Variants in PDE4B observed in about 807,000 individuals in gnomAD.
PDE4B encodes the protein 3',5'-cyclic-AMP phosphodiesterase 4B.
In PDE4B, 20 loss-of-function variants were observed where a neutral mutation model predicts 82.2. The observed-to-expected ratio is 0.24, with a 90% CI of 0.17 to 0.35. The LOEUF (loss-of-function observed/expected upper bound fraction) is 0.35, where lower values mean the gene tolerates loss of function less well. Ranked by LOEUF, PDE4B falls within the 10% of genes least tolerant of loss-of-function variation. The probability of loss-of-function intolerance (pLI) is 1.00; values close to 1 mark genes in which losing one functional copy is unlikely to be tolerated. For missense variants in PDE4B, 655 were observed against 907.2 expected (o/e 0.72, Z 3.57); for synonymous variants, 320 against 318.9 (o/e 1.00, Z -0.04).
chr1:66,304,232 ATTAC>A (rs1364276337), intron 7 of PDE4B, among the ~76,000 whole-genome samples: 7 of 152,138 alleles, frequency 4.6e-5, no homozygotes, highest in Non-Finnish European at 1.0e-4. Flanking sequence ...AGAGATAAAC[ATTAC>A]AGGCATTGTG....
At chr1:66,288,342 T>C (rs944645930) in intron 7 of PDE4B, among the ~76,000 whole-genome samples, 1 of 152,108 alleles carries the variant, frequency 6.6e-6, no homozygotes, top group East Asian at 1.9e-4. Flanking sequence ...TCAGTCACTT[T>C]CAACCAGGCC....
chr1:65,860,202 G>A lies in PDE4B; in HGVS notation c.-70-53043G>A, dbSNP rs1031669950. Among the ~76,000 whole-genome samples the A allele has an allele frequency of 3.9e-5, 6 of 152,024 alleles. No individual in the cohort carries two copies. The South Asian group carries it at 6.2e-4, about 16-fold the overall frequency. On this transcript the variant is annotated intron_variant, in intron 1 of 16. Coordinates refer to ENST00000341517, the MANE Select transcript of PDE4B (RefSeq NM_002600.4). Reference sequence around the variant, plus strand: ...TCATAATACTCTCCCTCCCCTCACCGCTCACCCTCTGACAGCTCTGGTGTG... The same window carrying A: ...TCATAATACTCTCCCTCCCCTCACCACTCACCCTCTGACAGCTCTGGTGTG...
intron 3 of PDE4B, among the ~76,000 whole-genome samples, chr1:65,930,226 T>C (rs1647755317): frequency 6.6e-6 from 1 of 152,236 alleles, no homozygotes; most frequent in Non-Finnish European, 1.5e-5. Context: ...TTCATTAGAT[T>C]GTGCCCACCA....
At chr1:66,156,259 C>T (rs1442891215) in intron 3 of PDE4B, among the ~76,000 whole-genome samples, 1 of 152,014 alleles carries the variant, frequency 6.6e-6, no homozygotes, top group African/African-American at 2.4e-5. Flanking sequence ...AATCCTTTTT[C>T]GGTCTCAATA....
chr1:66,367,839 G>A lies in PDE4B; in HGVS notation c.1528G>A (p.Val510Ile), dbSNP rs1663359573. The A allele has an allele frequency of 2.5e-6, 4 of 1,613,556 alleles. No homozygotes were observed. Among genetic ancestry groups the A allele is most frequent in the Non-Finnish European group, 3.4e-6 (4 of 1,179,702 alleles). ...KKQRQTLRKM[V>I]IDMVLATDMS... The stretch of plus-strand genomic sequence containing the variant: ...GCAGCGTCAGACACTCAGGAAGATG[G>A]TTATTGACATGGTAAGACTTTAGCC... Residue 510 changes from valine (V) to isoleucine (I), a missense_variant, in exon 14 of 17, where the codon GTT becomes ATT. Transcript: ENST00000341517.
intron 1 of PDE4B, among the ~76,000 whole-genome samples, chr1:65,862,281 G>T (rs1646463102): frequency 6.6e-6 from 1 of 151,974 alleles, no homozygotes; most frequent in African/African-American, 2.4e-5. Flanking sequence ...TTTATTGCAG[G>T]CTTTTCCTGC....
At chr1:66,293,866 G>T (rs1657294849) in intron 7 of PDE4B, among the ~76,000 whole-genome samples, 5 of 152,272 alleles carry the variant, frequency 3.3e-5, no homozygotes, top group Admixed American at 3.3e-4. Flanking sequence ...TATAAAACTG[G>T]TTGAGAACTC....
intron 3 of PDE4B, among the ~76,000 whole-genome samples, chr1:65,924,522 A>G (rs993102460): frequency 6.6e-6 from 1 of 152,076 alleles, no homozygotes; most frequent in Non-Finnish European, 1.5e-5. Flanking sequence ...ATTCCCTGCT[A>G]TCTATTACTG....
At chr1:65,997,608 T>C (rs1449601134) in intron 3 of PDE4B, among the ~76,000 whole-genome samples, 1 of 152,236 alleles carries the variant, frequency 6.6e-6, no homozygotes, top group Non-Finnish European at 1.5e-5. Context: ...TCAATTGCCT[T>C]GAATTCTATC....
At chr1:66,205,896 G>C (rs574586802) in intron 3 of PDE4B, among the ~76,000 whole-genome samples, 1 of 152,184 alleles carries the variant, frequency 6.6e-6, no homozygotes, top group African/African-American at 2.4e-5. Flanking sequence ...AGACTGCTCA[G>C]CTGTTCTCCA....
At chr1:66,096,585 A>G (rs1488421213) in intron 3 of PDE4B, among the ~76,000 whole-genome samples, 1 of 142,836 alleles carries the variant, frequency 7.0e-6, no homozygotes, top group Admixed American at 7.3e-5. Flanking sequence ...TATCTCATTA[A>G]TAATTTATGT....
At chr1:66,134,794 C>T (rs910212678) in intron 3 of PDE4B, among the ~76,000 whole-genome samples, 1 of 152,130 alleles carries the variant, frequency 6.6e-6, no homozygotes, top group Non-Finnish European at 1.5e-5. Flanking sequence ...TACATGTGTG[C>T]CATGTGCCAA....
chr1:66,143,296 A>G (rs1430193711), intron 3 of PDE4B, among the ~76,000 whole-genome samples: 3 of 152,230 alleles, frequency 2.0e-5, no homozygotes, highest in Admixed American at 1.3e-4. Context: ...GGAAGTAAGG[A>G]TGATTCATTG....
At chr1:66,198,937 A>G (rs1327492312) in intron 3 of PDE4B, among the ~76,000 whole-genome samples, 1 of 152,100 alleles carries the variant, frequency 6.6e-6, no homozygotes, top group Non-Finnish European at 1.5e-5. Context: ...AAAGGACATG[A>G]ACTCATCATT....
chr1:66,117,512 G>C (rs116266407), intron 3 of PDE4B, among the ~76,000 whole-genome samples: 1,883 of 152,128 alleles, frequency 0.012, 43 homozygotes, highest in African/African-American at 0.044. Flanking sequence ...GAGTGCAGTT[G>C]GAAGAGATGT....
intron 2 of PDE4B, 138 bp from the exon 3 acceptor site, chr1:65,918,459 C>T (rs1647186720): frequency 4.9e-6 from 3 of 613,694 alleles, no homozygotes; most frequent in Admixed American, 2.9e-5. Flanking sequence ...CTTTTGACAT[C>T]GTTGTTAGAT....
intron 3 of PDE4B, among the ~76,000 whole-genome samples, chr1:65,979,508 G>A (rs1220682160): frequency 2.0e-5 from 3 of 152,192 alleles, no homozygotes; most frequent in Admixed American, 1.3e-4. Flanking sequence ...AAGGTCAGGC[G>A]TTCAGTGGTA....
chr1:66,082,418 T>C (rs1656788706), intron 3 of PDE4B, among the ~76,000 whole-genome samples: 1 of 152,088 alleles, frequency 6.6e-6, no homozygotes, highest in Non-Finnish European at 1.5e-5. Context: ...TACTTCTGTT[T>C]CTCTTTTGAC....
intron 3 of PDE4B, among the ~76,000 whole-genome samples, chr1:66,241,387 A>C (rs575901250): frequency 5.3e-5 from 8 of 152,338 alleles, no homozygotes; most frequent in African/African-American, 1.9e-4. Context: ...TTCTCTGTCT[A>C]TAGGGATCAG....
Sources: gnomAD v4.1 joint callset for allele counts (sites outside exome capture counted in the v4.1 genomes callset) on GRCh38, gnomAD v4.1.1 for gene constraint, MANE v1.5 for transcripts, NCBI Gene and HGNC (gene_info 2026-07-23, HGNC 2026-07-21) for gene names.